Variants in BCAS3 observed in about 807,000 individuals in gnomAD.
The protein encoded by BCAS3 is BCAS3 microtubule associated cell migration factor.
Under a neutral mutation model 116.1 loss-of-function variants are expected in BCAS3, and 53 were observed. That is an observed-to-expected ratio of 0.46 (90% confidence interval 0.37 to 0.57). BCAS3 has a LOEUF of 0.57. Among genes scored for constraint, BCAS3 ranks in the 20% least tolerant of loss-of-function variants. BCAS3 has a pLI of 0.00. For missense variants in BCAS3, 917 were observed against 1,165.4 expected, an observed-to-expected ratio of 0.79 and a Z score of 3.10; for synonymous variants, 391 against 408.2, an observed-to-expected ratio of 0.96 and a Z score of 0.51.
intron 14 of BCAS3, among the ~76,000 whole-genome samples, chr17:60,972,099 T>G (rs1022417011): frequency 2.6e-5 from 4 of 152,248 alleles, no homozygotes; most frequent in African/African-American, 9.6e-5. Context: ...GTAGGTGGTC[T>G]GTTGTGCAGT....
chr17:61,010,847 C>T (rs541928194), intron 15 of BCAS3, among the ~76,000 whole-genome samples: 1 of 151,910 alleles, frequency 6.6e-6, no homozygotes, highest in East Asian at 1.9e-4. Context: ...GGATAAAGAC[C>T]CAAAAGCCTG....
At chr17:60,799,866 G>T (rs71373857) in intron 6 of BCAS3, among the ~76,000 whole-genome samples, 1 of 151,568 alleles carries the variant, frequency 6.6e-6, no homozygotes, top group Non-Finnish European at 1.5e-5. Flanking sequence ...GCCTGGCTGA[G>T]ATTAGCTTTT....
intron 22 of BCAS3, among the ~76,000 whole-genome samples, chr17:61,264,470 A>G (rs1243827023): frequency 6.6e-6 from 1 of 150,588 alleles, no homozygotes; most frequent in Non-Finnish European, 1.5e-5. Context: ...GTGCAGTAGC[A>G]TGATATTGGC....
chr17:60,878,376 T>A (rs2055818558), intron 9 of BCAS3, among the ~76,000 whole-genome samples: 1 of 152,172 alleles, frequency 6.6e-6, no homozygotes, highest in African/African-American at 2.4e-5. Flanking sequence ...ATGGTGCATG[T>A]CTTGGGAAGA....
At position 60,887,684 on chromosome 17, in the gene BCAS3, T is replaced by TA. The variant is rs34405382; in HGVS notation, c.662-2004dup. On this transcript the variant is annotated intron_variant, in intron 9 of 23. Coordinates refer to ENST00000407086, the MANE Select transcript of BCAS3 (RefSeq NM_017679.5). Reference sequence around the variant, plus strand: ...TATAAATGTAAATAACTGTTTTCTTTAAAAAAAGGGCTCAGACTTTTTATT... The same window carrying TA: ...TATAAATGTAAATAACTGTTTTCTTTAAAAAAAAGGGCTCAGACTTTTTATT... Among the ~76,000 whole-genome samples the TA allele has an allele frequency of 4.3e-3, 658 of 152,188 alleles. 7 individuals are homozygous for TA. The highest frequency in any genetic ancestry group is 0.015 in the African/African-American group (627 of 41,504).
chr17:61,239,414 A>G lies in BCAS3; in HGVS notation c.2426-128913A>G, dbSNP rs1473344802. Among the ~76,000 whole-genome samples the G allele has an allele frequency of 1.3e-5, 2 of 152,306 alleles. No individual in the cohort carries two copies. Among genetic ancestry groups the G allele is most frequent in the East Asian group, 1.9e-4 (1 of 5,184 alleles). On this transcript the variant is annotated intron_variant, in intron 22 of 23. Transcript: ENST00000407086. This position sits in a 1 kb window ranked among gnomAD's most constrained non-coding sequence, Gnocchi z 4.2. ...GGTTTTTTGTTTTGTTTTTAATTCAATTTGCAAAGCCTCTAGCAGATAGTT... is the reference window on the plus strand; with the variant it reads ...GGTTTTTTGTTTTGTTTTTAATTCAGTTTGCAAAGCCTCTAGCAGATAGTT...
rs1375127415 is a variant in BCAS3 at position 61,283,477 on chromosome 17, C to T, written c.2426-84850C>T. On this transcript the variant is annotated intron_variant, in intron 22 of 23. Coordinates refer to ENST00000407086, the MANE Select transcript of BCAS3 (RefSeq NM_017679.5). Reference sequence around the variant, plus strand: ...ATTGATTTTTTTTTTTTTTTTGAGACGAGTCTGGCTCTGTCGCCCAGGCTA... The same window carrying T: ...ATTGATTTTTTTTTTTTTTTTGAGATGAGTCTGGCTCTGTCGCCCAGGCTA... 3.4e-5 allele frequency among the ~76,000 whole-genome samples: 5 copies of T among 146,044 alleles called. No individual in the cohort carries two copies. The South Asian group carries it at 8.5e-4, about 25-fold the overall frequency.
At position 61,200,007 on chromosome 17, in the gene BCAS3, T is replaced by C. The variant is rs1212278397; in HGVS notation, c.2425+115443T>C. Among the ~76,000 whole-genome samples, 1 of 152,228 alleles carries C rather than the reference T, an allele frequency of 6.6e-6. No homozygotes were observed. Among genetic ancestry groups the C allele is most frequent in the Non-Finnish European group, 1.5e-5 (1 of 68,046 alleles). On this transcript the variant is annotated intron_variant, in intron 22 of 23. Transcript: ENST00000407086. This position sits in a 1 kb window ranked among gnomAD's most constrained non-coding sequence, Gnocchi z 5.1. ...TATAAGGAAATTGGAAACACCAATT[T>C]TGGATGAGATAAGTTACCCTTTCTT...
chr17:61,274,754 C>T (rs1227615548), intron 22 of BCAS3, among the ~76,000 whole-genome samples: 1 of 152,024 alleles, frequency 6.6e-6, no homozygotes, highest in Non-Finnish European at 1.5e-5. Context: ...AGCTAGTGCA[C>T]TAAGGAAAAA....
intron 12 of BCAS3, among the ~76,000 whole-genome samples, chr17:60,911,954 C>A (rs1212117593): frequency 6.6e-6 from 1 of 152,064 alleles, no homozygotes. Context: ...ATACAGTGTT[C>A]TGTAATTTTA....
chr17:60,948,956 A>G (rs2060679793), intron 14 of BCAS3, among the ~76,000 whole-genome samples: 1 of 151,544 alleles, frequency 6.6e-6, no homozygotes, highest in African/African-American at 2.4e-5. Flanking sequence ...GGCTCACTGC[A>G]ACCTCCACCT....
chr17:60,909,132 C>T (rs2058349535), intron 11 of BCAS3, among the ~76,000 whole-genome samples: 1 of 152,108 alleles, frequency 6.6e-6, no homozygotes, highest in African/African-American at 2.4e-5. Flanking sequence ...GTGCCTTTAC[C>T]AGTCCCTAGT....
At chr17:60,927,264 GTT>G (rs1479322876) in intron 13 of BCAS3, among the ~76,000 whole-genome samples, 16 of 144,746 alleles carry the variant, frequency 1.1e-4, no homozygotes, top group Admixed American at 2.1e-4. Context: ...TTTTTTGTTT[GTT>G]TTTTTTTTGA....
chr17:60,697,293 G>A (rs549388186), intron 4 of BCAS3, among the ~76,000 whole-genome samples: 1 of 152,152 alleles, frequency 6.6e-6, no homozygotes, highest in East Asian at 1.9e-4. Context: ...GGGCGTGGTG[G>A]CTCATGCCTG....
At chr17:61,115,634 C>T (rs2075382704) in intron 22 of BCAS3, among the ~76,000 whole-genome samples, 1 of 135,084 alleles carries the variant, frequency 7.4e-6, no homozygotes, top group African/African-American at 2.7e-5. Context: ...CACTTTTACA[C>T]TGTTGATGGG....
chr17:60,935,054 CTTGGG>C (rs2059848307), intron 13 of BCAS3, among the ~76,000 whole-genome samples: 2 of 152,042 alleles, frequency 1.3e-5, no homozygotes, highest in Non-Finnish European at 2.9e-5. Flanking sequence ...ATCCCAGCTA[CTTGGG>C]AGGCTGAGGC....
At chr17:60,868,905 A>T (rs1242808927) in intron 8 of BCAS3, among the ~76,000 whole-genome samples, 1 of 152,214 alleles carries the variant, frequency 6.6e-6, no homozygotes, top group Non-Finnish European at 1.5e-5. Flanking sequence ...GTTTAGTGGG[A>T]TATAACAAGC....
intron 22 of BCAS3, among the ~76,000 whole-genome samples, chr17:61,173,566 GA>G (rs1309796679): frequency 1.3e-5 from 2 of 151,780 alleles, no homozygotes; most frequent in Non-Finnish European, 2.9e-5. Context: ...TATTAGAAAA[GA>G]AAAAAAGGTC....
chr17:61,038,032 C>G lies in BCAS3; in HGVS notation c.1906C>G (p.Arg636Gly), dbSNP rs769939544. The G allele has an allele frequency of 6.2e-7, 1 of 1,613,928 alleles. No homozygotes were observed. The highest frequency in any genetic ancestry group is 8.5e-7 in the Non-Finnish European group (1 of 1,179,988). ...ACCACTGGAAATGATGACATCGCCTCGAGCCAGCTGGACTCTGGTTAGGTA... is the reference window on the plus strand; with the variant it reads ...ACCACTGGAAATGATGACATCGCCTGGAGCCAGCTGGACTCTGGTTAGGTA... ...DTPLEMMTSP[R>G]ASWTLVRTPQ... is the part of the protein sequence containing the mutation. Residue 636 changes from arginine (R) to glycine (G), a missense_variant, in exon 18 of 24, where the codon CGA becomes GGA. Arg to Gly is a moderately radical substitution (Grantham distance 125). Around this residue, in one of 3 missense-constraint regions of BCAS3, gnomAD observed 807 missense variants for 1,026.0 expected, o/e 0.79. Transcript: ENST00000407086.
Sources: gnomAD v4.1 joint callset for allele counts (sites outside exome capture counted in the v4.1 genomes callset) on GRCh38, gnomAD v4.1.1 for gene constraint, gnomAD v4.1.1 regional missense constraint, Gnocchi (gnomAD v3.1) non-coding constraint, MANE v1.5 for transcripts, NCBI Gene and HGNC (gene_info 2026-07-23, HGNC 2026-07-21) for gene names.